MROH7: variants seen among roughly 807,000 people sequenced by gnomAD.
MROH7 encodes the protein maestro heat like repeat family member 7, also known as maestro heat-like repeat-containing protein family member 7.
MROH7 carries 113 observed loss-of-function variants against 129.2 expected under a neutral mutation model. The observed-to-expected ratio is 0.87, with a 90% CI of 0.75 to 1.02. The LOEUF is 1.02. Among genes scored for constraint, MROH7 ranks in the 50% least tolerant of loss-of-function variants. The pLI is 0.00. For synonymous variants in MROH7, 655 were observed against 667.9 expected (o/e 0.98, Z 0.30); for missense variants, 1,601 against 1,671.3 (o/e 0.96, Z 0.73).
intron 17 of MROH7, chr1:54,699,287 C>CTCTT (rs1277181565): frequency 2.9e-4 from 43 of 147,898 alleles, no homozygotes; most frequent in African/African-American, 1.0e-3. Context: ...CTCCTTCTCT[C>CTCTT]TCTTTATTTC....
chr1:54,679,935 C>G lies in MROH7; in HGVS notation c.2271C>G (p.Ile757Met), dbSNP rs757670480. 6.2e-7 allele frequency: 1 copy of G among 1,613,718 alleles called. No homozygotes were observed. Among genetic ancestry groups the G allele is most frequent in the East Asian group, 2.2e-5 (1 of 44,874 alleles). Residue 757 changes from isoleucine (I) to methionine (M), a missense_variant, in exon 13 of 24, where the codon ATC becomes ATG. Transcript: ENST00000421030. ...GCATCTACATGCAGCTGAGCCACAT[C>G]CAGGAGCCTCGGGCCCGCCAGGTGG... ...MQGIYMQLSH[I>M]QEPRARQVAL...
At chr1:54,687,370 CG>C (rs1402484663) in intron 15 of MROH7, among the ~76,000 whole-genome samples, 1 of 152,198 alleles carries the variant, frequency 6.6e-6, no homozygotes, top group Non-Finnish European at 1.5e-5. Context: ...CCACTGCACC[CG>C]GCTGAGCTGT....
chr1:54,665,340 C>A, intron 4 of MROH7, 100 bp downstream of exon 4: 1 of 772,226 alleles, frequency 1.3e-6, no homozygotes, highest in Non-Finnish European at 2.2e-6. Flanking sequence ...CCCCATGCCT[C>A]TGCCCAGCTC....
intron 15 of MROH7, 152 bp downstream of exon 15, chr1:54,686,600 T>G (rs1028246232): frequency 4.4e-6 from 3 of 688,918 alleles, no homozygotes; most frequent in East Asian, 2.7e-5. Context: ...TTAGAGCCAA[T>G]AATTCATTCA....
At chr1:54,671,894 C>G (rs914824000) in intron 7 of MROH7, among the ~76,000 whole-genome samples, 2 of 151,826 alleles carry the variant, frequency 1.3e-5, no homozygotes, top group African/African-American at 4.8e-5. Flanking sequence ...GCCAGAAGTA[C>G]TTGGTGCTAT....
At chr1:54,669,075 G>A (rs567923468) in intron 5 of MROH7, 138 bp downstream of exon 5, 10 of 643,598 alleles carry the variant, frequency 1.6e-5, no homozygotes, top group South Asian at 1.3e-4. Context: ...ATCGGGAATT[G>A]AGTCTCAGCT....
intron 10 of MROH7, among the ~76,000 whole-genome samples, chr1:54,678,129 T>C (rs192932261): frequency 6.6e-6 from 1 of 152,330 alleles, no homozygotes; most frequent in East Asian, 1.9e-4. Flanking sequence ...TTTCCCATCA[T>C]AGAAAACTGT....
At chr1:54,700,944 C>T (rs988440282) in intron 18 of MROH7, among the ~76,000 whole-genome samples, 199 bp from the exon 19 acceptor site, 7 of 152,206 alleles carry the variant, frequency 4.6e-5, no homozygotes, top group South Asian at 2.1e-4. Flanking sequence ...TCCTGGCCAA[C>T]GAGTCAGTGA....
At chr1:54,676,295 T>C (rs886801491) in intron 10 of MROH7, among the ~76,000 whole-genome samples, 2 of 152,220 alleles carry the variant, frequency 1.3e-5, no homozygotes, top group African/African-American at 4.8e-5. Context: ...TGGAGTGCAG[T>C]GGCTCAATCA....
At position 54,665,509 on chromosome 1, in the gene MROH7, G is replaced by T; in HGVS notation, c.1305+269G>T. 9.3e-6 allele frequency: 3 copies of T among 323,386 alleles called. No individual in the cohort carries two copies. The East Asian group carries it at 1.7e-4, about 18-fold the overall frequency. The allele number at this position is 323,386 out of a possible 1,614,324, so 20.0% of individuals were successfully genotyped here. On this transcript the variant is annotated intron_variant, in intron 4 of 23. Coordinates refer to ENST00000421030, the MANE Select transcript of MROH7 (RefSeq NM_001039464.4). ...AACTTCAGCACCTAGAACGGTGCCT[G>T]GCACATAATAGATGCTCAATAAAAT...
chr1:54,706,965 C>G (rs1405884695), intron 22 of MROH7, among the ~76,000 whole-genome samples: 2 of 152,208 alleles, frequency 1.3e-5, no homozygotes, highest in African/African-American at 2.4e-5. Flanking sequence ...TTTACTCCCA[C>G]TGAGCCTCAG....
intron 15 of MROH7, among the ~76,000 whole-genome samples, chr1:54,688,052 T>C (rs1376666020): frequency 2.0e-5 from 3 of 151,312 alleles, no homozygotes; most frequent in Admixed American, 2.0e-4. Flanking sequence ...AAACCCCGTC[T>C]CTACTAAAAA....
chr1:54,673,763 T>C lies in MROH7; in HGVS notation c.1758T>C (p.Asn586=), dbSNP rs200378430. 591 of 1,614,172 alleles carry C rather than the reference T, an allele frequency of 3.7e-4. 11 individuals carry two copies. The East Asian group carries it at 0.012, about 32-fold the overall frequency. Residue 586 remains asparagine, a synonymous_variant, in exon 9 of 24, where the codon AAT becomes AAC. Transcript: ENST00000421030. ...AHERARAVNT[N]VSVLNHMLLT... is the part of the protein sequence containing the mutation. The stretch of plus-strand genomic sequence containing the variant: ...AGCGAGCACGGGCTGTGAACACCAA[T>C]GTCTCTGTGTTGAACCACATGCTTC...
Position 54,678,777 on chromosome 1 carries a change from C to T in MROH7, c.1972C>T (p.Leu658=). 6.2e-7 allele frequency: 1 copy of T among 1,614,050 alleles called. No homozygotes were observed. The highest frequency in any genetic ancestry group is 1.1e-5 in the South Asian group (1 of 91,076). ...TAAGGAAGAGACCAACAAAAAGGAG[C>T]TATATGAGAGCAACAAGCATTTCCT... The part of the protein sequence containing the change: ...RDKEETNKKE[L]YESNKHFLGP... Residue 658 remains leucine, a synonymous_variant, in exon 11 of 24, where the codon CTA becomes TTA. Transcript: ENST00000421030.
chr1:54,645,890 T>C (rs1440465476), intron 1 of MROH7, among the ~76,000 whole-genome samples: 1 of 152,114 alleles, frequency 6.6e-6, no homozygotes, highest in African/African-American at 2.4e-5. Flanking sequence ...TGAGCTCAAA[T>C]GATCCACCCA....
chr1:54,681,692 G>C (rs1376303045), intron 13 of MROH7, among the ~76,000 whole-genome samples: 1 of 152,138 alleles, frequency 6.6e-6, no homozygotes, highest in Non-Finnish European at 1.5e-5. Flanking sequence ...TAGGAGTTTG[G>C]TTGGGTGCAG....
intron 14 of MROH7, among the ~76,000 whole-genome samples, chr1:54,684,614 GAGACTTTT>G (rs1201354839): frequency 2.0e-5 from 3 of 152,240 alleles, no homozygotes; most frequent in African/African-American, 7.2e-5. Flanking sequence ...CACATCACTA[GAGACTTTT>G]CCCTTACACC....
chr1:54,659,812 A>G (rs1458751788), intron 3 of MROH7, among the ~76,000 whole-genome samples: 1 of 152,180 alleles, frequency 6.6e-6, no homozygotes, highest in Non-Finnish European at 1.5e-5. Context: ...GGATTCATCC[A>G]TATTGTGTAT....
intron 13 of MROH7, among the ~76,000 whole-genome samples, chr1:54,681,349 C>T (rs1009130802): frequency 3.9e-5 from 6 of 152,120 alleles, no homozygotes; most frequent in African/African-American, 1.4e-4. Flanking sequence ...TCACAGAGAC[C>T]AGTATCTTTT....
Sources: gnomAD v4.1 joint callset for allele counts (sites outside exome capture counted in the v4.1 genomes callset) on GRCh38, gnomAD v4.1.1 for gene constraint, MANE v1.5 for transcripts, NCBI Gene and HGNC (gene_info 2026-07-23, HGNC 2026-07-21) for gene names.